SLC22A5: variants seen among roughly 807,000 people sequenced by gnomAD.
The protein encoded by SLC22A5 is organic cation/carnitine transporter 2.
SLC22A5 carries 44 observed loss-of-function variants against 56.7 expected under a neutral mutation model. The ratio of observed to expected loss-of-function variants is 0.78; its 90% confidence interval spans 0.61 to 1.00. SLC22A5 has a LOEUF of 1.00. SLC22A5 is among the 50% of genes least tolerant of loss of function. SLC22A5 has a pLI of 0.00. For missense variants in SLC22A5, 675 were observed against 723.0 expected, an observed-to-expected ratio of 0.93 and a Z score of 0.76; for synonymous variants, 278 against 292.1, an observed-to-expected ratio of 0.95 and a Z score of 0.49.
At position 132,370,236 on chromosome 5, in the gene SLC22A5, C is replaced by A; in HGVS notation, c.264C>A (p.Thr88=). ...PHSCRRYRLA[T]IANFSALGLE... is the part of the protein sequence containing the mutation. ...GCTGCCGCCGCTACCGGCTCGCCAC[C>A]ATCGCCAACTTCTCGGCGCTTGGGC... Residue 88 remains threonine (T), a synonymous_variant, in exon 1 of 10, where the codon ACC becomes ACA. Transcript: ENST00000245407. 4 of 1,574,630 alleles carry A rather than the reference C, an allele frequency of 2.5e-6. No homozygotes were observed. Among genetic ancestry groups the A allele is most frequent in the Non-Finnish European group, 3.4e-6 (4 of 1,162,018 alleles).
At chr5:132,370,821 AGCATGTGTATACAACTGCCTCTT>A (rs1360122690) in intron 1 of SLC22A5, among the ~76,000 whole-genome samples, 1 of 152,184 alleles carries the variant, frequency 6.6e-6, no homozygotes, top group East Asian at 1.9e-4. Context: ...AGTTAAATAA[AGCATGTGTATACAACTGCCTCTT>A]CCCTTTTTCC....
In SLC22A5 at chr5:132,370,373, C is replaced by T. The variant is rs1481183476; in HGVS notation, c.393+8C>T. On this transcript the variant is annotated splice_region_variant and intron_variant, in intron 1 of 9. Transcript: ENST00000245407. ...TCCACCATTGTGACCGAGGTGGGTGCCGGCCCCTGCTGGGGCTGAGACCAG... is the reference window on the plus strand; with the variant it reads ...TCCACCATTGTGACCGAGGTGGGTGTCGGCCCCTGCTGGGGCTGAGACCAG... The T allele has an allele frequency of 9.9e-6, 16 of 1,611,154 alleles. No homozygotes were observed. The highest frequency in any genetic ancestry group is 6.7e-5 in the Admixed American group (4 of 59,794).
Position 132,390,803 on chromosome 5 carries a change from T to C in SLC22A5, c.1166T>C (p.Leu389Ser). ...ATGGTTGAAGTCCCAGCATATGTGT[T>C]GGCCTGGCTGCTGCTGCAATATTTG... is the stretch of plus-strand genomic sequence containing the variant. ...SAMVEVPAYV[L>S]AWLLLQYLPR... Residue 389 changes from leucine (L) to serine (S), a missense_variant, in exon 7 of 10, where the codon TTG (leucine) becomes TCG (serine). Transcript: ENST00000245407. 6.2e-7 allele frequency: 1 copy of C among 1,614,234 alleles called. No homozygotes were observed. Among genetic ancestry groups the C allele is most frequent in the Non-Finnish European group, 8.5e-7 (1 of 1,180,038 alleles).
intron 7 of SLC22A5, among the ~76,000 whole-genome samples, chr5:132,391,294 G>A (rs1359986057): frequency 8.5e-5 from 13 of 152,056 alleles, no homozygotes; most frequent in African/African-American, 2.4e-5. Context: ...CGGTGATAAC[G>A]ATACACAAGA....
chr5:132,386,875 G>C lies in SLC22A5; in HGVS notation c.825-150G>C, dbSNP rs1752550186. ...CCACCCCAGGTTATTGCTGCGTGTG[G>C]ATCAGCTCTTTGCTTCTGGCTTGTG... On this transcript the variant is annotated intron_variant, in intron 4 of 9. Coordinates refer to ENST00000245407, the MANE Select transcript of SLC22A5 (RefSeq NM_003060.4). 5 of 846,030 alleles carry C rather than the reference G, an allele frequency of 5.9e-6. No individual in the cohort carries two copies. In the East Asian group the frequency reaches 1.2e-4, roughly 21 times the overall value. 52.4% of individuals were successfully genotyped at this position (846,030 alleles called of 1,614,324 possible). A position where few individuals can be genotyped will look rare whatever the true frequency, so the allele number is the denominator to read the frequency against.
At position 132,390,839 on chromosome 5, in the gene SLC22A5, A is replaced by C; in HGVS notation, c.1202A>C (p.Tyr401Ser). Residue 401 changes from tyrosine to serine, a missense_variant, in exon 7 of 10, where the codon TAT becomes TCT. Physicochemically the swap from Tyr to Ser is moderately radical, Grantham distance 144. Coordinates refer to ENST00000245407, the MANE Select transcript of SLC22A5 (RefSeq NM_003060.4). ...CTGCTGCAATATTTGCCCCGGCGCT[A>C]TTCCATGGCCACTGCCCTCTTCCTG... ...WLLLQYLPRRYSMATALFLGG... is the reference protein window; with the variant it reads ...WLLLQYLPRRSSMATALFLGG... 1 of 1,614,214 alleles carries C rather than the reference A, an allele frequency of 6.2e-7. No individual in the cohort carries two copies. The highest frequency in any genetic ancestry group is 1.1e-5 in the South Asian group (1 of 91,092).
At chr5:132,374,108 C>T (rs1050138088) in intron 1 of SLC22A5, among the ~76,000 whole-genome samples, 3 of 151,366 alleles carry the variant, frequency 2.0e-5, no homozygotes, top group African/African-American at 7.3e-5. Context: ...CCCAGCTACT[C>T]GGGAGGGAGG....
At chr5:132,391,156 C>T in intron 7 of SLC22A5, among the ~76,000 whole-genome samples, 1 of 152,192 alleles carries the variant, frequency 6.6e-6, no homozygotes, top group East Asian at 1.9e-4. Context: ...TTAATGTGCT[C>T]ATACTGTTTT....
At position 132,369,926 on chromosome 5, in the gene SLC22A5, C is replaced by T. The variant is rs1486862500; in HGVS notation, c.-47C>T. On this transcript the variant is annotated 5_prime_UTR_variant, in exon 1 of 10. Transcript: ENST00000245407. Reference sequence around the variant, plus strand: ...CCCCGCGCGCACGCGCAAAGCCCGCCGCGTTCCCCGACCCCAGGCCGCGCT... The same window carrying T: ...CCCCGCGCGCACGCGCAAAGCCCGCTGCGTTCCCCGACCCCAGGCCGCGCT... The T allele has an allele frequency of 6.2e-7, 1 of 1,605,662 alleles. No homozygotes were observed. The highest frequency in any genetic ancestry group is 8.5e-7 in the Non-Finnish European group (1 of 1,176,958).
Position 132,369,777 on chromosome 5 carries a change from G to A in SLC22A5, c.-196G>A. 1 of 633,626 alleles carries A rather than the reference G, an allele frequency of 1.6e-6. No homozygotes were observed. The highest frequency in any genetic ancestry group is 2.5e-6 in the Non-Finnish European group (1 of 396,000). The allele number at this position is 633,626 out of a possible 1,614,324, so 39.3% of individuals were successfully genotyped here. A position where few individuals can be genotyped will look rare whatever the true frequency, so the allele number is the denominator to read the frequency against. On this transcript the variant is annotated 5_prime_UTR_variant, in exon 1 of 10. Transcript: ENST00000245407. ...GCGGCCCAGGCCCGCAACCTTCCCTGGTCGTGCGCCCTATGTAAGGCCAGC... is the reference window on the plus strand; with the variant it reads ...GCGGCCCAGGCCCGCAACCTTCCCTAGTCGTGCGCCCTATGTAAGGCCAGC...
chr5:132,376,837 A>G (rs1752157189), intron 1 of SLC22A5: 1 of 151,760 alleles, frequency 6.6e-6, no homozygotes, highest in Non-Finnish European at 1.5e-5. Flanking sequence ...CTCCGCCTCC[A>G]CTCCCAGTCC....
chr5:132,394,033 C>T (rs145910609), intron 9 of SLC22A5, 152 bp from the exon 10 acceptor site: 298 of 755,502 alleles, frequency 3.9e-4, no homozygotes, highest in Non-Finnish European at 6.0e-4. Context: ...TGGCAGTAGC[C>T]GCACTGGATA....
chr5:132,371,173 G>A (rs1751911897), intron 1 of SLC22A5, among the ~76,000 whole-genome samples: 1 of 152,132 alleles, frequency 6.6e-6, no homozygotes. Flanking sequence ...CACCGTGTTG[G>A]CCAGGATGGT....
chr5:132,387,032 C>T lies in SLC22A5; in HGVS notation c.832C>T (p.Pro278Ser). The stretch of plus-strand genomic sequence containing the variant: ...TGGACCTTGTACTGCCAGGTTCATC[C>T]CTGAGTCCCCCCGATGGCTCATCTC... ...VLCVALWWFI[P>S]ESPRWLISQG... The change falls in exon 5 of 10, where the codon CCT (proline) becomes TCT (serine). Residue 278 changes from proline to serine, a missense_variant. By Grantham distance (74) the Pro-to-Ser change is moderately conservative (BLOSUM62 -1). Transcript: ENST00000245407. The T allele has an allele frequency of 6.2e-7, 1 of 1,614,108 alleles. No homozygotes were observed. The highest frequency in any genetic ancestry group is 8.5e-7 in the Non-Finnish European group (1 of 1,179,998).
At position 132,369,849 on chromosome 5, in the gene SLC22A5, G is replaced by A. The variant is rs978195106; in HGVS notation, c.-124G>A. ...GTGTCAGCTCGCGAGCCTACCCTCC[G>A]CGGACGGTCTTGGGTCGCCTGCTGC... On this transcript the variant is annotated 5_prime_UTR_variant, in exon 1 of 10. Coordinates refer to ENST00000245407, the MANE Select transcript of SLC22A5 (RefSeq NM_003060.4). The A allele has an allele frequency of 2.3e-6, 3 of 1,291,132 alleles. No individual in the cohort carries two copies. The highest frequency in any genetic ancestry group is 2.9e-5 in the Admixed American group (1 of 35,064). 80.0% of individuals were successfully genotyped at this position (1,291,132 alleles called of 1,614,324 possible).
At position 132,385,380 on chromosome 5, in the gene SLC22A5, G is replaced by A. The variant is rs773166899; in HGVS notation, c.705G>A (p.Val235=). Residue 235 remains valine, a synonymous_variant, in exon 4 of 10, where the codon GTG becomes GTA. Coordinates refer to ENST00000245407, the MANE Select transcript of SLC22A5 (RefSeq NM_003060.4). ...SVRIIFSTLG[V]CIFYAFGYMV... The stretch of plus-strand genomic sequence containing the variant: ...GTATAATATTCTCTACGTTAGGAGT[G>A]TGCATATTTTATGCATTTGGCTACA... 3.1e-6 allele frequency: 5 copies of A among 1,613,638 alleles called. No individual in the cohort carries two copies. The highest frequency in any genetic ancestry group is 4.2e-6 in the Non-Finnish European group (5 of 1,179,500).
chr5:132,385,370 C>A lies in SLC22A5; in HGVS notation c.695C>A (p.Thr232Lys). The stretch of plus-strand genomic sequence containing the variant: ...AAGTCAGTTCGTATAATATTCTCTA[C>A]GTTAGGAGTGTGCATATTTTATGCA... Reference protein sequence around the residue: ...LGKSVRIIFSTLGVCIFYAFG... With the variant: ...LGKSVRIIFSKLGVCIFYAFG... The change falls in exon 4 of 10, where the codon ACG becomes AAG. Residue 232 changes from threonine (T) to lysine (K), a missense_variant. Thr to Lys is a moderately conservative substitution (Grantham distance 78). Transcript: ENST00000245407. The A allele has an allele frequency of 6.2e-7, 1 of 1,614,052 alleles. No homozygotes were observed. Among genetic ancestry groups the A allele is most frequent in the Non-Finnish European group, 8.5e-7 (1 of 1,179,886 alleles).
intron 8 of SLC22A5, among the ~76,000 whole-genome samples, chr5:132,392,915 A>G (rs186353705): frequency 6.6e-6 from 1 of 152,340 alleles, no homozygotes; most frequent in African/African-American, 2.4e-5. Context: ...AAGAACCTAC[A>G]GAGTGGTTTA....
In SLC22A5 at chr5:132,369,769, C is replaced by T. The variant is rs565391275; in HGVS notation, c.-204C>T. 2.8e-5 allele frequency: 17 copies of T among 604,820 alleles called. No individual in the cohort carries two copies. In the East Asian group the frequency reaches 3.0e-4, roughly 11 times the overall value. 37.5% of individuals were successfully genotyped at this position (604,820 alleles called of 1,614,324 possible). On this transcript the variant is annotated 5_prime_UTR_variant, in exon 1 of 10. Coordinates refer to ENST00000245407, the MANE Select transcript of SLC22A5 (RefSeq NM_003060.4). Reference sequence around the variant, plus strand: ...CGCGCCTTGCGGCCCAGGCCCGCAACCTTCCCTGGTCGTGCGCCCTATGTA... The same window carrying T: ...CGCGCCTTGCGGCCCAGGCCCGCAATCTTCCCTGGTCGTGCGCCCTATGTA...
Sources: gnomAD v4.1 joint callset for allele counts (sites outside exome capture counted in the v4.1 genomes callset) on GRCh38, gnomAD v4.1.1 for gene constraint, MANE v1.5 for transcripts, NCBI Gene and HGNC (gene_info 2026-07-23, HGNC 2026-07-21) for gene names.